The following LMBR1 variants were observed in gnomAD, a reference collection of about 807,000 sequenced individuals.
LMBR1 encodes limb development membrane protein 1, also known as limb region 1 protein homolog.
LMBR1 carries 52 observed loss-of-function variants against 73.9 expected under a neutral mutation model. That is an observed-to-expected ratio of 0.70 (90% CI 0.56 to 0.89). LMBR1 has a LOEUF of 0.89. LMBR1 is among the 40% of genes least tolerant of loss of function. The pLI is 0.00. For missense variants in LMBR1, 539 were observed against 579.8 expected (o/e 0.93, Z 0.72); for synonymous variants, 215 against 209.4 (o/e 1.03, Z -0.23).
intron 15 of LMBR1, among the ~76,000 whole-genome samples, chr7:156,688,398 C>T (rs907863482): frequency 6.6e-5 from 10 of 152,122 alleles, no homozygotes; most frequent in East Asian, 1.9e-4. Context: ...TTCACATACA[C>T]GCCACAGTCA....
At chr7:156,687,724 C>T (rs1360886115) in intron 16 of LMBR1, among the ~76,000 whole-genome samples, 1 of 152,142 alleles carries the variant, frequency 6.6e-6, no homozygotes. Flanking sequence ...TGACCACCAT[C>T]GTCATAATAA....
At chr7:156,816,593 A>G (rs946601166) in intron 4 of LMBR1, among the ~76,000 whole-genome samples, 15 of 152,322 alleles carry the variant, frequency 9.8e-5, no homozygotes, top group African/African-American at 3.4e-4. Context: ...ATGCAAAATA[A>G]TAAGTTTATT....
intron 5 of LMBR1, among the ~76,000 whole-genome samples, chr7:156,764,233 T>C (rs921869728): frequency 1.3e-5 from 2 of 152,182 alleles, no homozygotes; most frequent in Non-Finnish European, 2.9e-5. Flanking sequence ...TGGACTCTGG[T>C]GCTCCTCACA....
chr7:156,771,454 C>T (rs1343565231), intron 5 of LMBR1, among the ~76,000 whole-genome samples: 1 of 152,128 alleles, frequency 6.6e-6, no homozygotes, highest in Non-Finnish European at 1.5e-5. Flanking sequence ...CACTTTCATG[C>T]ATACAAACTA....
At chr7:156,733,488 C>G (rs1419640671) in intron 10 of LMBR1, among the ~76,000 whole-genome samples, 2 of 151,484 alleles carry the variant, frequency 1.3e-5, no homozygotes, top group African/African-American at 4.8e-5. Flanking sequence ...GAGATGAAAA[C>G]TGCAGATGGT....
At chr7:156,826,479 G>C (rs770805749) in intron 4 of LMBR1, 126 bp downstream of exon 4, 84 of 550,362 alleles carry the variant, frequency 1.5e-4, no homozygotes, top group Non-Finnish European at 2.2e-4. Context: ...CATTATTAAA[G>C]ACCCAAATCG....
intron 9 of LMBR1, among the ~76,000 whole-genome samples, chr7:156,738,954 T>G (rs772832186): frequency 5.3e-5 from 8 of 152,130 alleles, no homozygotes; most frequent in Non-Finnish European, 1.2e-4. Flanking sequence ...GAAGGAAAAG[T>G]AAAGAGTACT....
intron 4 of LMBR1, among the ~76,000 whole-genome samples, chr7:156,809,006 T>C (rs1449654190): frequency 1.3e-5 from 2 of 152,224 alleles, no homozygotes; most frequent in African/African-American, 2.4e-5. Context: ...TCATAATACA[T>C]TGTTACTACT....
At chr7:156,771,314 A>G (rs1181886770) in intron 5 of LMBR1, among the ~76,000 whole-genome samples, 1 of 152,178 alleles carries the variant, frequency 6.6e-6, no homozygotes, top group African/African-American at 2.4e-5. Flanking sequence ...AGAAAAAATA[A>G]GGTAGATAGA....
intron 10 of LMBR1, 149 bp downstream of exon 10, chr7:156,734,028 A>G: frequency 2.0e-6 from 1 of 494,446 alleles, no homozygotes; most frequent in Non-Finnish European, 3.6e-6. Context: ...CTCTCCCCAA[A>G]CTGTAAGATA....
chr7:156,831,339 G>C (rs1487966218), intron 3 of LMBR1, among the ~76,000 whole-genome samples: 1 of 145,900 alleles, frequency 6.9e-6, no homozygotes, highest in East Asian at 2.0e-4. Context: ...AAGTAGGTGA[G>C]AACTCTGTTT....
chr7:156,701,002 A>G (rs1809557371), intron 15 of LMBR1, among the ~76,000 whole-genome samples: 1 of 151,172 alleles, frequency 6.6e-6, no homozygotes, highest in African/African-American at 2.4e-5. Context: ...GTGCAGGGAA[A>G]CCCCCTTTTT....
intron 1 of LMBR1, among the ~76,000 whole-genome samples, chr7:156,857,961 A>T (rs1396295465): frequency 6.6e-6 from 1 of 151,990 alleles, no homozygotes; most frequent in Non-Finnish European, 1.5e-5. Flanking sequence ...GCTTAGAGGG[A>T]AATGTATAGC....
intron 15 of LMBR1, among the ~76,000 whole-genome samples, chr7:156,704,766 A>AC (rs1477941376): frequency 6.6e-6 from 1 of 151,512 alleles, no homozygotes; most frequent in Non-Finnish European, 1.5e-5. Flanking sequence ...AAAAAAAAAA[A>AC]AAACCAGAAA....
At chr7:156,766,978 T>C (rs141038121) in intron 5 of LMBR1, among the ~76,000 whole-genome samples, 61 of 152,230 alleles carry the variant, frequency 4.0e-4, no homozygotes, top group African/African-American at 1.3e-3. Context: ...CTGATGTCAT[T>C]ACAAATTTGG....
chr7:156,742,506 T>A (rs180726248), intron 9 of LMBR1, among the ~76,000 whole-genome samples: 1 of 151,940 alleles, frequency 6.6e-6, no homozygotes, highest in East Asian at 1.9e-4. Context: ...CACTGGAAAA[T>A]CTAGAAAAAA....
intron 4 of LMBR1, among the ~76,000 whole-genome samples, chr7:156,803,784 A>G (rs1462579023): frequency 6.6e-5 from 10 of 152,170 alleles, no homozygotes; most frequent in Non-Finnish European, 1.3e-4. Context: ...AAAATGTGGC[A>G]CATATACACC....
At chr7:156,867,961 T>G (rs145731101) in intron 1 of LMBR1, among the ~76,000 whole-genome samples, 65 of 152,204 alleles carry the variant, frequency 4.3e-4, no homozygotes, top group African/African-American at 1.5e-3. Context: ...AAGAAAATAG[T>G]TGAGGCTGGG....
At chr7:156,813,923 C>T (rs530423280) in intron 4 of LMBR1, among the ~76,000 whole-genome samples, 5 of 152,044 alleles carry the variant, frequency 3.3e-5, no homozygotes, top group Admixed American at 6.5e-5. Context: ...ACTGAAATAA[C>T]CTCTTTCCTC....
Sources: gnomAD v4.1 joint callset for allele counts (sites outside exome capture counted in the v4.1 genomes callset) on GRCh38, gnomAD v4.1.1 for gene constraint, MANE v1.5 for transcripts, NCBI Gene and HGNC (gene_info 2026-07-23, HGNC 2026-07-21) for gene names.